Variants in SLC9C1 observed in about 807,000 individuals in gnomAD.
The protein encoded by SLC9C1 is sodium/hydrogen exchanger 10.
Under a neutral mutation model 140.9 loss-of-function variants are expected in SLC9C1, and 97 were observed. The observed-to-expected ratio is 0.69, with a 90% CI of 0.58 to 0.82. The LOEUF (loss-of-function observed/expected upper bound fraction) is 0.82. Ranked by LOEUF, SLC9C1 falls within the 40% of genes least tolerant of loss-of-function variation. The pLI, the probability that SLC9C1 is intolerant of heterozygous loss-of-function variation, is 0.00. For synonymous variants in SLC9C1, 440 were observed against 442.6 expected (o/e 0.99, Z 0.07); for missense variants, 1,340 against 1,389.3 (o/e 0.96, Z 0.56).
chr3:112,271,323 A>T (rs765659648), intron 6 of SLC9C1, among the ~76,000 whole-genome samples: 1 of 150,140 alleles, frequency 6.7e-6, no homozygotes, highest in Admixed American at 6.7e-5. Context: ...GTAAATTTCA[A>T]ATCTCTCATC....
intron 23 of SLC9C1, among the ~76,000 whole-genome samples, chr3:112,170,632 T>C (rs1449591507): frequency 6.6e-6 from 1 of 152,188 alleles, no homozygotes; most frequent in African/African-American, 2.4e-5. Context: ...CATCTATAAA[T>C]ATGTTATTTG....
chr3:112,284,106 G>A (rs2080436283), intron 2 of SLC9C1, among the ~76,000 whole-genome samples: 1 of 152,234 alleles, frequency 6.6e-6, no homozygotes. Context: ...AATTGGATGT[G>A]ATTAGATTTG....
chr3:112,152,037 G>A, intron 27 of SLC9C1, 74 bp from the exon 28 acceptor site: 2 of 1,175,840 alleles, frequency 1.7e-6, no homozygotes. Context: ...CCACACCTGT[G>A]GGTATTTCTC....
intron 10 of SLC9C1, 69 bp downstream of exon 10, chr3:112,262,855 A>AT (rs879839865): frequency 9.2e-6 from 12 of 1,299,356 alleles, no homozygotes; most frequent in Non-Finnish European, 1.1e-5. Context: ...ACTACAAAAA[A>AT]ACATATATTT....
At chr3:112,208,448 C>G in intron 15 of SLC9C1, 75 bp from the exon 16 acceptor site, 1 of 1,059,538 alleles carries the variant, frequency 9.4e-7, no homozygotes, top group African/African-American at 1.6e-5. Context: ...CATTTCTGTT[C>G]TACTTATCAA....
intron 1 of SLC9C1, among the ~76,000 whole-genome samples, chr3:112,289,554 T>TTGCTAA (rs1033893568): frequency 2.8e-4 from 42 of 152,288 alleles, no homozygotes; most frequent in African/African-American, 9.6e-4. Context: ...GTGTCTCATT[T>TTGCTAA]TGCTAAGGTT....
chr3:112,259,999 A>G (rs2079726767), intron 10 of SLC9C1, among the ~76,000 whole-genome samples: 1 of 152,066 alleles, frequency 6.6e-6, no homozygotes, highest in Non-Finnish European at 1.5e-5. Flanking sequence ...ATTTCCATAA[A>G]TATCAATTGG....
At chr3:112,166,438 C>A (rs1261344574) in intron 26 of SLC9C1, among the ~76,000 whole-genome samples, 3 of 152,218 alleles carry the variant, frequency 2.0e-5, no homozygotes, top group Admixed American at 2.0e-4. Context: ...GAGAGCTCCA[C>A]ATGGCTGGGG....
chr3:112,164,388 C>T (rs1162212755), intron 26 of SLC9C1, among the ~76,000 whole-genome samples: 1 of 137,962 alleles, frequency 7.2e-6, no homozygotes, highest in African/African-American at 2.9e-5. Context: ...TACATTTTGG[C>T]ATGATTTTGC....
intron 28 of SLC9C1, 60 bp downstream of exon 28, chr3:112,151,797 G>T: frequency 1.4e-6 from 2 of 1,381,576 alleles, no homozygotes; most frequent in African/African-American, 1.4e-5. Context: ...TTTGGCTTCA[G>T]TCTGTATCTC....
At chr3:112,233,026 T>TACACACAC (rs60551268) in intron 12 of SLC9C1, among the ~76,000 whole-genome samples, 32,839 of 133,170 alleles carry the variant, frequency 0.25, 4,461 homozygotes, top group Admixed American at 0.3. Context: ...TTCACTTTCA[T>TACACACAC]ACACACACAC....
chr3:112,222,745 G>A (rs1388859), intron 13 of SLC9C1, among the ~76,000 whole-genome samples: 34,942 of 151,976 alleles, frequency 0.23, 4,357 homozygotes, highest in Middle Eastern at 0.28. Flanking sequence ...AAATTGGGAA[G>A]TGACTAAAAG....
intron 20 of SLC9C1, among the ~76,000 whole-genome samples, chr3:112,192,667 T>A (rs925614531): frequency 1.3e-5 from 2 of 152,180 alleles, no homozygotes; most frequent in African/African-American, 4.8e-5. Context: ...CAATTGTGTT[T>A]TTTATTTCAT....
At chr3:112,209,240 G>T (rs1162117640) in intron 15 of SLC9C1, among the ~76,000 whole-genome samples, 2 of 152,102 alleles carry the variant, frequency 1.3e-5, no homozygotes, top group South Asian at 4.1e-4. Context: ...AATTATGAGT[G>T]CAGTAATATA....
Position 112,291,223 on chromosome 3 carries a change from G to A in SLC9C1, c.-88+2870C>T, listed in dbSNP as rs775530502. On this transcript the variant is annotated intron_variant, in intron 1 of 28. Transcript: ENST00000305815. ...ACATAGGAGTGGGCTAAGGTTTCAC[G>A]ACAAAGACATCAAAAGCAATCACAA... Among the ~76,000 whole-genome samples, 17 of 152,192 alleles carry A rather than the reference G, an allele frequency of 1.1e-4. No homozygotes were observed. The South Asian group carries it at 1.7e-3, about 15-fold the overall frequency.
intron 7 of SLC9C1, 124 bp downstream of exon 7, chr3:112,269,792 T>C: frequency 1.4e-6 from 1 of 699,570 alleles, no homozygotes; most frequent in Middle Eastern, 4.5e-4. Flanking sequence ...ATTATTTTAA[T>C]AAAAATATTC....
At chr3:112,277,490 C>T (rs1391843063) in intron 5 of SLC9C1, among the ~76,000 whole-genome samples, 1 of 151,920 alleles carries the variant, frequency 6.6e-6, no homozygotes, top group Non-Finnish European at 1.5e-5. Flanking sequence ...GCGTATAATA[C>T]TTTTTTTGAC....
At chr3:112,169,376 T>C (rs1346819904) in intron 23 of SLC9C1, 48 bp from the exon 24 acceptor site, 1 of 1,554,134 alleles carries the variant, frequency 6.4e-7, no homozygotes. Flanking sequence ...TGCACTATGG[T>C]TTAAGGAATA....
At chr3:112,190,497 T>G (rs2077635098) in intron 20 of SLC9C1, among the ~76,000 whole-genome samples, 1 of 152,186 alleles carries the variant, frequency 6.6e-6, no homozygotes, top group Non-Finnish European at 1.5e-5. Context: ...TGACTTACAT[T>G]TTAGTCTACC....
Sources: allele counts gnomAD v4.1 joint callset (sites outside exome capture counted in the v4.1 genomes callset), GRCh38; gene constraint gnomAD v4.1.1; transcripts MANE v1.5; gene names NCBI Gene and HGNC (gene_info 2026-07-23, HGNC 2026-07-21).